ASAP1: variants seen among roughly 807,000 people sequenced by gnomAD.
ASAP1 encodes ArfGAP with SH3 domain, ankyrin repeat and PH domain 1.
A neutral mutation model predicts 145.2 loss-of-function variants in ASAP1; 43 were observed. The observed-to-expected ratio is 0.30, with a 90% confidence interval of 0.23 to 0.38. The LOEUF (loss-of-function observed/expected upper bound fraction) is 0.38. Ranked by LOEUF, ASAP1 falls within the 10% of genes least tolerant of loss-of-function variation. The pLI, the probability that ASAP1 is intolerant of heterozygous loss-of-function variation, is 1.00. For missense variants in ASAP1, 1,018 were observed against 1,355.3 expected, an observed-to-expected ratio of 0.75 and a Z score of 3.91; for synonymous variants, 546 against 515.5, an observed-to-expected ratio of 1.06 and a Z score of -0.80.
rs759653243 is a variant in ASAP1, at chr8:130,179,375, GTTGA to G, written c.661-30_661-27del. ...CTGTGAAAATAAAACAGGGTTTTGC[GTTGA>G]TTAATTCCAGATGGGGCTCTTCAGC... is the stretch of plus-strand genomic sequence containing the variant. On this transcript the variant is annotated intron_variant, in intron 8 of 29. Coordinates refer to ENST00000518721, the MANE Select transcript of ASAP1 (RefSeq NM_018482.4). 8.9e-6 allele frequency: 13 copies of G among 1,458,410 alleles called. No homozygotes were observed. The African/African-American group carries it at 1.1e-4, about 13-fold the overall frequency. 90.3% of individuals were successfully genotyped at this position (1,458,410 alleles called of 1,614,324 possible).
At chr8:130,291,023 C>T (rs1431842961) in intron 3 of ASAP1, among the ~76,000 whole-genome samples, 1 of 152,194 alleles carries the variant, frequency 6.6e-6, no homozygotes, top group Non-Finnish European at 1.5e-5. Flanking sequence ...AGACGAGTTG[C>T]CAAGTTATAC....
intron 4 of ASAP1, among the ~76,000 whole-genome samples, chr8:130,230,818 C>A (rs1335922934): frequency 1.3e-5 from 2 of 152,110 alleles, no homozygotes; most frequent in African/African-American, 4.8e-5. Context: ...TTTTGTACAC[C>A]TTGTGACATT....
chr8:130,092,719 A>AC (rs1564949633), intron 24 of ASAP1, among the ~76,000 whole-genome samples: 2 of 152,092 alleles, frequency 1.3e-5, no homozygotes, highest in African/African-American at 4.8e-5. Context: ...GGGAAAAACA[A>AC]ACACACACAC....
At chr8:130,363,452 T>C (rs1826808976) in intron 2 of ASAP1, among the ~76,000 whole-genome samples, 1 of 152,208 alleles carries the variant, frequency 6.6e-6, no homozygotes, top group Admixed American at 6.5e-5. Flanking sequence ...CTTTGCTAAG[T>C]ATAGAATTTA....
chr8:130,331,481 A>T (rs1824685164), intron 3 of ASAP1, among the ~76,000 whole-genome samples: 1 of 152,222 alleles, frequency 6.6e-6, no homozygotes, highest in Non-Finnish European at 1.5e-5. Flanking sequence ...CAAGTCACAC[A>T]GTTGCTTAGT....
In ASAP1 at chr8:130,114,251, G is replaced by A. The variant is rs2097551229; in HGVS notation, c.2172+1377C>T. ...TATACTTACACAAACCTAGATGGGA[G>A]AGCCTACTACACACCTAGGCTATAT... On this transcript the variant is annotated intron_variant, in intron 23 of 29. Transcript: ENST00000518721. Among the ~76,000 whole-genome samples the A allele has an allele frequency of 2.0e-5, 3 of 152,174 alleles. No individual in the cohort carries two copies. The South Asian group carries it at 6.2e-4, about 32-fold the overall frequency.
In ASAP1 at chr8:130,253,528, C is replaced by T. The variant is rs149057122; in HGVS notation, c.187-16534G>A. 2.8e-3 allele frequency among the ~76,000 whole-genome samples: 432 copies of T among 152,254 alleles called. 7 individuals are homozygous for T. Among genetic ancestry groups the T allele is most frequent in the Admixed American group, 0.023 (352 of 15,290 alleles). On this transcript the variant is annotated intron_variant, in intron 3 of 29. Coordinates refer to ENST00000518721, the MANE Select transcript of ASAP1 (RefSeq NM_018482.4). ...GAAAAGGGAGATGTAGATACAAAGCCTTCCATTGAACAAGCTCTTTAGATT... is the reference window on the plus strand; with the variant it reads ...GAAAAGGGAGATGTAGATACAAAGCTTTCCATTGAACAAGCTCTTTAGATT...
intron 27 of ASAP1, among the ~76,000 whole-genome samples, chr8:130,063,415 C>T (rs1171912753): frequency 6.6e-6 from 1 of 152,198 alleles, no homozygotes; most frequent in Non-Finnish European, 1.5e-5. Flanking sequence ...CCCTGTTCCA[C>T]ATCCTCTCTC....
intron 5 of ASAP1, among the ~76,000 whole-genome samples, chr8:130,189,846 T>C (rs1448266527): frequency 6.6e-6 from 1 of 152,240 alleles, no homozygotes; most frequent in African/African-American, 2.4e-5. Flanking sequence ...AAAGCCATTT[T>C]AGCTGGCTTG....
intron 2 of ASAP1, among the ~76,000 whole-genome samples, chr8:130,391,200 C>A (rs1468771455): frequency 6.6e-6 from 1 of 151,982 alleles, no homozygotes. Context: ...TTGTATGATT[C>A]CACTTATAAA....
chr8:130,144,055 A>C (rs184101845), intron 13 of ASAP1, among the ~76,000 whole-genome samples: 26 of 152,362 alleles, frequency 1.7e-4, no homozygotes, highest in African/African-American at 6.0e-4. Flanking sequence ...CTAGTGTCTG[A>C]AAACAGAGCT....
chr8:130,312,976 A>C (rs969440414), intron 3 of ASAP1, among the ~76,000 whole-genome samples: 3 of 152,388 alleles, frequency 2.0e-5, no homozygotes, highest in Middle Eastern at 3.4e-3. Flanking sequence ...AGCTCATTAA[A>C]TTAAAAAATG....
intron 27 of ASAP1, among the ~76,000 whole-genome samples, chr8:130,062,482 T>C (rs1235554838): frequency 6.6e-6 from 1 of 152,080 alleles, no homozygotes; most frequent in Non-Finnish European, 1.5e-5. Flanking sequence ...TTTACATGAA[T>C]CTCGTTCCTC....
At chr8:130,325,478 T>C (rs867224808) in intron 3 of ASAP1, among the ~76,000 whole-genome samples, 1 of 152,204 alleles carries the variant, frequency 6.6e-6, no homozygotes, top group African/African-American at 2.4e-5. Context: ...GTTCACTCTA[T>C]AAGCAAAGTA....
intron 1 of ASAP1, among the ~76,000 whole-genome samples, chr8:130,418,605 T>C (rs891343151): frequency 5.3e-5 from 8 of 151,986 alleles, no homozygotes; most frequent in African/African-American, 1.9e-4. Flanking sequence ...GTTTTTAGCA[T>C]AATTCACAGA....
intron 3 of ASAP1, among the ~76,000 whole-genome samples, chr8:130,265,681 C>A (rs910424436): frequency 2.0e-5 from 3 of 151,844 alleles, no homozygotes; most frequent in Admixed American, 2.0e-4. Context: ...TCAAGACCAG[C>A]GACCAGCTTG....
chr8:130,126,178 A>G lies in ASAP1; in HGVS notation c.1382-89T>C. On this transcript the variant is annotated intron_variant, in intron 16 of 29. Transcript: ENST00000518721. ...AGAGGAAGCTAAAACAGTAGTACAA[A>G]TTGTTAAGAACTATGAAGAAAAGAC... is the stretch of plus-strand genomic sequence containing the variant. The G allele has an allele frequency of 4.0e-6, 5 of 1,236,508 alleles. No homozygotes were observed. In the South Asian group the frequency reaches 4.9e-5, roughly 12 times the overall value. The allele number at this position is 1,236,508 out of a possible 1,614,324, so 76.6% of individuals were successfully genotyped here. A position where few individuals can be genotyped will look rare whatever the true frequency, so the allele number is the denominator to read the frequency against.
chr8:130,188,720 T>C (rs1814917077), intron 5 of ASAP1, among the ~76,000 whole-genome samples: 2 of 86,314 alleles, frequency 2.3e-5, no homozygotes, highest in Admixed American at 1.5e-4. Context: ...TGAGAGACTC[T>C]CTCAAAAAAA....
chr8:130,128,894 C>CA (rs905039581), intron 15 of ASAP1, among the ~76,000 whole-genome samples: 8 of 152,032 alleles, frequency 5.3e-5, no homozygotes, highest in Non-Finnish European at 1.2e-4. Flanking sequence ...AAATCAACAA[C>CA]AAAAAAACCT....
Sources: gnomAD v4.1 joint callset for allele counts (sites outside exome capture counted in the v4.1 genomes callset) on GRCh38, gnomAD v4.1.1 for gene constraint, MANE v1.5 for transcripts, NCBI Gene and HGNC (gene_info 2026-07-23, HGNC 2026-07-21) for gene names.